Variants in CTNNA3 observed in about 807,000 individuals in gnomAD.
CTNNA3 encodes the protein catenin alpha 3.
A neutral mutation model predicts 95.7 loss-of-function variants in CTNNA3; 76 were observed. The ratio of observed to expected loss-of-function variants is 0.79; its 90% confidence interval spans 0.66 to 0.96. CTNNA3 has a LOEUF of 0.96. CTNNA3 is among the 40% of genes least tolerant of loss of function. The probability of loss-of-function intolerance (pLI) is 0.00; values close to 1 mark genes in which losing one functional copy is unlikely to be tolerated. For missense variants in CTNNA3, 1,191 were observed against 1,089.8 expected (o/e 1.09, Z -1.31); for synonymous variants, 431 against 374.4 (o/e 1.15, Z -1.74).
chr10:67,680,628 T>C (rs1840609040), intron 1 of CTNNA3, among the ~76,000 whole-genome samples: 1 of 152,250 alleles, frequency 6.6e-6, no homozygotes, highest in Admixed American at 6.5e-5. Context: ...ATGTCATTTA[T>C]GAAACTCTTG....
chr10:66,472,694 G>A (rs1046552234), intron 11 of CTNNA3, among the ~76,000 whole-genome samples: 7 of 151,986 alleles, frequency 4.6e-5, no homozygotes, highest in African/African-American at 7.2e-5. Context: ...AAAGTCTAGC[G>A]TTTCAGAGAT....
intron 7 of CTNNA3, chr10:66,926,995 C>A: frequency 6.2e-7 from 1 of 1,614,078 alleles, no homozygotes; most frequent in South Asian, 1.1e-5. Context: ...ACTGACAATG[C>A]TTTCTTCTGC....
At chr10:67,694,253 T>G (rs1840922117) in intron 1 of CTNNA3, among the ~76,000 whole-genome samples, 1 of 152,128 alleles carries the variant, frequency 6.6e-6, no homozygotes, top group Non-Finnish European at 1.5e-5. Context: ...AAAAGTTTAT[T>G]GAGTGGAAAT....
At chr10:66,317,107 T>G (rs1342048217) in intron 12 of CTNNA3, among the ~76,000 whole-genome samples, 2 of 152,150 alleles carry the variant, frequency 1.3e-5, no homozygotes, top group Non-Finnish European at 2.9e-5. Flanking sequence ...AAGTGAAATT[T>G]TGTTAACATA....
In CTNNA3 at chr10:67,531,326, T is replaced by A. The variant is rs543012319; in HGVS notation, c.459+8177A>T. Among the ~76,000 whole-genome samples the A allele has an allele frequency of 1.2e-4, 18 of 152,272 alleles. No homozygotes were observed. The South Asian group carries it at 2.3e-3, about 19-fold the overall frequency. ...ATGAACACAGCCAGGAGGAAGGCTG[T>A]ATCCCGCAAAGCCACAGGGGGAGAG... On this transcript the variant is annotated intron_variant, in intron 4 of 17. Transcript: ENST00000433211.
chr10:67,759,224 C>T (rs1841449774), intron 1 of CTNNA3, among the ~76,000 whole-genome samples: 1 of 152,124 alleles, frequency 6.6e-6, no homozygotes, highest in African/African-American at 2.4e-5. Flanking sequence ...GGTTTTATTG[C>T]CAGTAACTTC....
chr10:66,071,660 T>C (rs1367035114), intron 14 of CTNNA3, among the ~76,000 whole-genome samples: 2 of 152,102 alleles, frequency 1.3e-5, no homozygotes, highest in Admixed American at 6.6e-5. Context: ...AAGCAATTGT[T>C]CTCCAAAGAA....
chr10:66,539,609 T>A (rs1841777606), intron 10 of CTNNA3, among the ~76,000 whole-genome samples: 1 of 152,172 alleles, frequency 6.6e-6, no homozygotes, highest in Non-Finnish European at 1.5e-5. Flanking sequence ...GGGACAGTCC[T>A]TTTAGATGCT....
At chr10:66,791,904 G>C (rs1057422487) in intron 7 of CTNNA3, among the ~76,000 whole-genome samples, 10 of 152,040 alleles carry the variant, frequency 6.6e-5, no homozygotes, top group African/African-American at 2.2e-4. Context: ...ACTATAATCC[G>C]TATACATATA....
intron 7 of CTNNA3, among the ~76,000 whole-genome samples, chr10:66,783,845 G>T (rs970067660): frequency 6.6e-6 from 1 of 152,124 alleles, no homozygotes; most frequent in Non-Finnish European, 1.5e-5. Context: ...TTTATTGTCT[G>T]CCATTCCTCC....
intron 13 of CTNNA3, among the ~76,000 whole-genome samples, chr10:66,238,300 A>ACAAGCTGTACCTTGT (rs2089956003): frequency 6.6e-6 from 1 of 152,004 alleles, no homozygotes; most frequent in African/African-American, 2.4e-5. Flanking sequence ...AATGAGCAGG[A>ACAAGCTGTACCTTGT]ACCCACTGTA....
intron 12 of CTNNA3, among the ~76,000 whole-genome samples, chr10:66,336,875 T>C (rs1209684925): frequency 1.3e-5 from 2 of 152,100 alleles, no homozygotes; most frequent in Non-Finnish European, 2.9e-5. Context: ...AAAGTCAAAC[T>C]ATTTTTGTAA....
chr10:67,245,419 C>T (rs184360568), intron 5 of CTNNA3, among the ~76,000 whole-genome samples: 169 of 152,162 alleles, frequency 1.1e-3, no homozygotes, highest in Middle Eastern at 6.8e-3. Flanking sequence ...TCCAGTGGAA[C>T]GTAAGCTCCA....
chr10:66,063,413 T>C (rs185551956), intron 15 of CTNNA3, among the ~76,000 whole-genome samples: 1 of 151,048 alleles, frequency 6.6e-6, no homozygotes, highest in East Asian at 1.9e-4. Context: ...TCTGAAGGCT[T>C]CTCATATTCC....
At chr10:66,650,936 C>T (rs865809347) in intron 9 of CTNNA3, among the ~76,000 whole-genome samples, 6 of 152,172 alleles carry the variant, frequency 3.9e-5, no homozygotes, top group Admixed American at 2.0e-4. Context: ...ACGTTGCCAC[C>T]GCTGGCTCGG....
At chr10:66,890,809 G>C (rs1475428070) in intron 7 of CTNNA3, among the ~76,000 whole-genome samples, 1 of 152,162 alleles carries the variant, frequency 6.6e-6, no homozygotes. Flanking sequence ...TTAGTAGGGA[G>C]AGAGAGAATG....
intron 7 of CTNNA3, among the ~76,000 whole-genome samples, chr10:66,892,032 G>A (rs1314276308): frequency 2.0e-5 from 3 of 151,928 alleles, no homozygotes; most frequent in Non-Finnish European, 4.4e-5. Flanking sequence ...TTTGCCTATT[G>A]TATAATAATC....
chr10:66,215,188 A>T (rs567015861), intron 13 of CTNNA3, among the ~76,000 whole-genome samples: 1 of 152,326 alleles, frequency 6.6e-6, no homozygotes, highest in Non-Finnish European at 1.5e-5. Flanking sequence ...TCAACTGTGG[A>T]CACTGGATGC....
chr10:66,474,010 T>C (rs1839231665), intron 11 of CTNNA3, among the ~76,000 whole-genome samples: 1 of 152,162 alleles, frequency 6.6e-6, no homozygotes, highest in Non-Finnish European at 1.5e-5. Context: ...GCATGATTTA[T>C]AATCCTTTGG....
Sources: allele counts gnomAD v4.1 joint callset (sites outside exome capture counted in the v4.1 genomes callset), GRCh38; gene constraint gnomAD v4.1.1; transcripts MANE v1.5; gene names NCBI Gene and HGNC (gene_info 2026-07-23, HGNC 2026-07-21).